The following ZNF462 variants were observed in gnomAD, a reference collection of about 807,000 sequenced individuals.
ZNF462 encodes zinc finger PBX1-interacting protein.
In ZNF462, 10 loss-of-function variants were observed where a neutral mutation model predicts 201.9. That is an observed-to-expected ratio of 0.05 (90% CI 0.03 to 0.08). The LOEUF (loss-of-function observed/expected upper bound fraction) is 0.08. Ranked by LOEUF, ZNF462 falls within the 10% of genes least tolerant of loss-of-function variation. The pLI is 1.00. For synonymous variants in ZNF462, 1,227 were observed against 1,193.3 expected (o/e 1.03, Z -0.58); for missense variants, 2,523 against 3,168.3 (o/e 0.80, Z 4.89).
intron 1 of ZNF462, among the ~76,000 whole-genome samples, chr9:106,878,325 A>G (rs1157784352): frequency 6.6e-6 from 1 of 152,230 alleles, no homozygotes; most frequent in East Asian, 1.9e-4. Flanking sequence ...GCAATGATCA[A>G]TTAGGGGCCA....
intron 7 of ZNF462, among the ~76,000 whole-genome samples, chr9:106,967,516 A>G (rs1423179979): frequency 6.6e-6 from 1 of 152,082 alleles, no homozygotes; most frequent in Non-Finnish European, 1.5e-5. Flanking sequence ...CAAAAAAAAA[A>G]GTCCAATTTC....
chr9:106,872,573 G>T lies in ZNF462; in HGVS notation c.-31+9218G>T, dbSNP rs1203666681. On this transcript the variant is annotated intron_variant, in intron 1 of 12. Transcript: ENST00000277225. This position sits in a 1 kb window ranked among gnomAD's most constrained non-coding sequence, Gnocchi z 4.5. Reference sequence around the variant, plus strand: ...AGACGGGGTTTCACTGTGTTGTCCAGGCTGGTCTCGAACTCCTGAGCTCAG... The same window carrying T: ...AGACGGGGTTTCACTGTGTTGTCCATGCTGGTCTCGAACTCCTGAGCTCAG... 6.6e-6 allele frequency among the ~76,000 whole-genome samples: 1 copy of T among 152,040 alleles called. No individual in the cohort carries two copies. Among genetic ancestry groups the T allele is most frequent in the Non-Finnish European group, 1.5e-5 (1 of 68,000 alleles).
chr9:106,971,978 C>A, intron 7 of ZNF462, 27 bp from the exon 8 acceptor site: 1 of 1,597,764 alleles, frequency 6.3e-7, no homozygotes, highest in African/African-American at 1.3e-5. Flanking sequence ...CTCTGTGCCC[C>A]GTGTCATTTT....
chr9:106,987,682 T>G (rs570227681), intron 10 of ZNF462, among the ~76,000 whole-genome samples: 1 of 152,294 alleles, frequency 6.6e-6, no homozygotes, highest in Non-Finnish European at 1.5e-5. Flanking sequence ...TCCCAACTAT[T>G]TATCTTTGTA....
chr9:106,889,320 G>C (rs374534521), intron 1 of ZNF462, among the ~76,000 whole-genome samples: 3 of 152,136 alleles, frequency 2.0e-5, no homozygotes, highest in Non-Finnish European at 2.9e-5. Context: ...CGCTGTGCTC[G>C]GGTAGCTCAG....
At chr9:106,915,518 T>C (rs1202077043) in intron 1 of ZNF462, among the ~76,000 whole-genome samples, 3 of 152,124 alleles carry the variant, frequency 2.0e-5, no homozygotes, top group African/African-American at 7.2e-5. Context: ...AATTTTGGAG[T>C]ATATTCCAGT....
chr9:106,991,147 T>C (rs1297124253), intron 10 of ZNF462, among the ~76,000 whole-genome samples: 1 of 151,882 alleles, frequency 6.6e-6, no homozygotes, highest in Non-Finnish European at 1.5e-5. Flanking sequence ...TTGATTTTTA[T>C]AGGGAGAAAA....
rs1832095948 is a variant in ZNF462 at position 106,966,875 on chromosome 9, A to T, written c.6428-5130A>T. Among the ~76,000 whole-genome samples the T allele has an allele frequency of 6.6e-6, 1 of 152,146 alleles. No homozygotes were observed. Among genetic ancestry groups the T allele is most frequent in the African/African-American group, 2.4e-5 (1 of 41,428 alleles). On this transcript the variant is annotated intron_variant, in intron 7 of 12. Coordinates refer to ENST00000277225, the MANE Select transcript of ZNF462 (RefSeq NM_021224.6). The surrounding 1 kb of genome is among the most constrained non-coding windows in gnomAD (Gnocchi z 4.4). ...GTCTGCACAAAAATCTAGCTCAAAT[A>T]TAATTAAATGTACTCGCTGGCACCA... is the stretch of plus-strand genomic sequence containing the variant.
intron 1 of ZNF462, among the ~76,000 whole-genome samples, chr9:106,868,033 G>A (rs558559462): frequency 6.6e-5 from 10 of 151,156 alleles, no homozygotes; most frequent in Admixed American, 2.0e-4. Context: ...AGAAGTGGAG[G>A]GAGACTATTT....
chr9:106,997,583 G>A (rs2132533363), intron 10 of ZNF462, among the ~76,000 whole-genome samples: 1 of 152,262 alleles, frequency 6.6e-6, no homozygotes, highest in East Asian at 1.9e-4. Context: ...CTCTAATTGA[G>A]GTGCTCTTAT....
chr9:106,955,858 T>G (rs1210356711), intron 7 of ZNF462, among the ~76,000 whole-genome samples: 1 of 152,152 alleles, frequency 6.6e-6, no homozygotes, highest in African/African-American at 2.4e-5. Context: ...TATCATGAGA[T>G]TTTATCATGA....
chr9:106,864,037 T>A (rs915947935), intron 1 of ZNF462, among the ~76,000 whole-genome samples: 3 of 133,446 alleles, frequency 2.2e-5, no homozygotes, highest in African/African-American at 5.9e-5. Flanking sequence ...CTCAGGTATT[T>A]GGCTCTCTCT....
intron 9 of ZNF462, among the ~76,000 whole-genome samples, chr9:106,979,913 T>C (rs1248144609): frequency 6.6e-6 from 1 of 152,222 alleles, no homozygotes; most frequent in African/African-American, 2.4e-5. Flanking sequence ...TTAAAGTTTC[T>C]GTTTCCCAAT....
At chr9:106,906,943 G>A (rs2131249730) in intron 1 of ZNF462, among the ~76,000 whole-genome samples, 1 of 152,254 alleles carries the variant, frequency 6.6e-6, no homozygotes, top group Admixed American at 6.5e-5. Context: ...CTAACTACCA[G>A]TGATAATCCT....
At chr9:106,959,286 T>C (rs1831721082) in intron 7 of ZNF462, among the ~76,000 whole-genome samples, 1 of 152,142 alleles carries the variant, frequency 6.6e-6, no homozygotes, top group South Asian at 2.1e-4. Context: ...GCAGCTACTA[T>C]GTGCCTAGAG....
Position 106,929,156 on chromosome 9 carries a change from G to T in ZNF462, c.5244G>T (p.Pro1748=), listed in dbSNP as rs763452696. 2.5e-6 allele frequency: 4 copies of T among 1,614,030 alleles called. No individual in the cohort carries two copies. The highest frequency in any genetic ancestry group is 3.4e-6 in the Non-Finnish European group (4 of 1,179,998). ...CCAACAAAGTGATCATCCCATCCCCGCCCAAGGACGACTCCCCTCAGCTGA... is the reference window on the plus strand; with the variant it reads ...CCAACAAAGTGATCATCCCATCCCCTCCCAAGGACGACTCCCCTCAGCTGA... The part of the protein sequence containing the change: ...DKPNKVIIPS[P]PKDDSPQLSE... Residue 1748 remains proline (P), a synonymous_variant, in exon 3 of 13, where the codon CCG becomes CCT. Coordinates refer to ENST00000277225, the MANE Select transcript of ZNF462 (RefSeq NM_021224.6). The surrounding 1 kb of genome is among the most constrained non-coding windows in gnomAD (Gnocchi z 8.7).
chr9:106,887,341 C>T (rs544161817), intron 1 of ZNF462, among the ~76,000 whole-genome samples: 1 of 152,164 alleles, frequency 6.6e-6, no homozygotes, highest in East Asian at 1.9e-4. Flanking sequence ...CCTACATCCT[C>T]CTAGGCCATC....
intron 10 of ZNF462, among the ~76,000 whole-genome samples, chr9:106,997,376 A>G (rs1175643663): frequency 6.6e-6 from 1 of 152,156 alleles, no homozygotes; most frequent in East Asian, 1.9e-4. Flanking sequence ...CTGCACTCCC[A>G]TGTTCCCTGC....
At position 106,929,176 on chromosome 9, in the gene ZNF462, A is replaced by G. The variant is rs1437222488; in HGVS notation, c.5264A>G (p.Gln1755Arg). ...IPSPPKDDSP[Q>R]LSEELRRAVE... ...TCCCCGCCCAAGGACGACTCCCCTC[A>G]GCTGAGCGAGGAACTCCGGCGGGCA... Residue 1755 changes from glutamine (Q) to arginine (R), a missense_variant, in exon 3 of 13, where the codon CAG becomes CGG. Physicochemically the swap from Gln to Arg is conservative, Grantham distance 43. Around this residue, in one of 15 missense-constraint regions of ZNF462, gnomAD observed 207 missense variants for 231.6 expected, o/e 0.89. Coordinates refer to ENST00000277225, the MANE Select transcript of ZNF462 (RefSeq NM_021224.6). This position sits in a 1 kb window ranked among gnomAD's most constrained non-coding sequence, Gnocchi z 8.7. 1.1e-5 allele frequency: 18 copies of G among 1,614,162 alleles called. No individual in the cohort carries two copies. Among genetic ancestry groups the G allele is most frequent in the Non-Finnish European group, 1.5e-5 (18 of 1,180,016 alleles).
Sources: allele counts gnomAD v4.1 joint callset (sites outside exome capture counted in the v4.1 genomes callset), GRCh38; gene constraint gnomAD v4.1.1; regional missense constraint gnomAD v4.1.1; non-coding constraint Gnocchi (gnomAD v3.1); transcripts MANE v1.5; gene names NCBI Gene and HGNC (gene_info 2026-07-23, HGNC 2026-07-21).